The following THADA variants were observed in gnomAD, a reference collection of about 807,000 sequenced individuals.
The protein encoded by THADA is THADA armadillo repeat containing.
In THADA, 213 loss-of-function variants were observed where a neutral mutation model predicts 219.8. The observed-to-expected ratio is 0.97, with a 90% confidence interval of 0.87 to 1.09. THADA has a LOEUF of 1.09. Ranked by LOEUF, THADA falls within the 50% of genes least tolerant of loss-of-function variation. THADA has a pLI of 0.00. For synonymous variants in THADA, 1,018 were observed against 828.9 expected, an observed-to-expected ratio of 1.23 and a Z score of -3.92; for missense variants, 2,956 against 2,311.3, an observed-to-expected ratio of 1.28 and a Z score of -5.72.
chr2:43,243,591 C>CCCTA (rs1185345757), intron 36 of THADA, among the ~76,000 whole-genome samples: 2 of 152,096 alleles, frequency 1.3e-5, no homozygotes, highest in Non-Finnish European at 2.9e-5. Flanking sequence ...GAAAGGCATC[C>CCCTA]CCTAGTTCAC....
intron 7 of THADA, 118 bp from the exon 8 acceptor site, chr2:43,582,046 T>C (rs1384878572): frequency 1.4e-6 from 1 of 721,416 alleles, no homozygotes; most frequent in Non-Finnish European, 2.1e-6. Context: ...TAAATTATGA[T>C]AATTTATTCC....
At chr2:43,507,982 G>GC (rs1689909101) in intron 23 of THADA, among the ~76,000 whole-genome samples, 1 of 152,106 alleles carries the variant, frequency 6.6e-6, no homozygotes, top group African/African-American at 2.4e-5. Context: ...AAACGGACTC[G>GC]CACACACATA....
intron 26 of THADA, among the ~76,000 whole-genome samples, chr2:43,468,313 A>G (rs1029451388): frequency 4.6e-5 from 7 of 152,372 alleles, no homozygotes; most frequent in African/African-American, 1.4e-4. Context: ...GGTATTAACC[A>G]TAGGTTTTTG....
At chr2:43,347,090 G>A (rs1281087827) in intron 29 of THADA, among the ~76,000 whole-genome samples, 1 of 152,136 alleles carries the variant, frequency 6.6e-6, no homozygotes, top group Non-Finnish European at 1.5e-5. Context: ...TGATGGTGGA[G>A]GCAGGAAGGC....
At chr2:43,486,110 A>C (rs975902185) in intron 25 of THADA, among the ~76,000 whole-genome samples, 2 of 152,154 alleles carry the variant, frequency 1.3e-5, no homozygotes, top group Admixed American at 1.3e-4. Context: ...AAATCCAAAA[A>C]TCCTAACTTC....
intron 26 of THADA, among the ~76,000 whole-genome samples, chr2:43,478,022 C>T (rs573839260): frequency 6.6e-6 from 1 of 152,082 alleles, no homozygotes; most frequent in Non-Finnish European, 1.5e-5. Context: ...GACCTCTTAT[C>T]CCCTGACAGT....
Position 43,586,686 on chromosome 2 carries a change from A to T in THADA, c.484+16T>A. 2 of 1,603,360 alleles carry T rather than the reference A, an allele frequency of 1.2e-6. No individual in the cohort carries two copies. The highest frequency in any genetic ancestry group is 2.7e-5 in the African/African-American group (2 of 74,378). On this transcript the variant is annotated intron_variant, in intron 6 of 37. Transcript: ENST00000405975. ...AGCCATCAACTCATGGAACAAAATA[A>T]AATAATAGGACTTACCATTTTTAAG...
chr2:43,501,717 G>A (rs1173066411), intron 24 of THADA, among the ~76,000 whole-genome samples: 4 of 152,236 alleles, frequency 2.6e-5, no homozygotes, highest in African/African-American at 7.2e-5. Flanking sequence ...GCCTTAGCGG[G>A]CAGATCACTT....
intron 19 of THADA, among the ~76,000 whole-genome samples, 191 bp from the exon 20 acceptor site, chr2:43,549,559 T>C (rs953204957): frequency 6.6e-6 from 1 of 152,188 alleles, no homozygotes; most frequent in Non-Finnish European, 1.5e-5. Context: ...ATTTTTAAAA[T>C]ATGGCAATTT....
chr2:43,274,398 T>C (rs759017059), intron 36 of THADA, among the ~76,000 whole-genome samples: 3 of 152,214 alleles, frequency 2.0e-5, no homozygotes, highest in Non-Finnish European at 2.9e-5. Flanking sequence ...TACTCTCATG[T>C]TTCTTTTGCC....
intron 24 of THADA, among the ~76,000 whole-genome samples, chr2:43,503,403 AT>A (rs1217244684): frequency 3.5e-4 from 53 of 152,336 alleles, no homozygotes; most frequent in African/African-American, 1.2e-3. Context: ...TAATCTTAAA[AT>A]ATAATGTTGA....
chr2:43,506,267 G>T (rs1689653732), intron 23 of THADA, among the ~76,000 whole-genome samples: 1 of 152,114 alleles, frequency 6.6e-6, no homozygotes, highest in South Asian at 2.1e-4. Flanking sequence ...GGAACAAAAA[G>T]AAATACTGCA....
Position 43,574,838 on chromosome 2 carries a change from G to T in THADA, c.1227C>A (p.His409Gln), listed in dbSNP as rs1343991670. Reference protein sequence around the residue: ...HWEHPLDALRHQTKIMFKNLL... With the variant: ...HWEHPLDALRQQTKIMFKNLL... Reference sequence around the variant, plus strand: ...GGTTTTTGAACATGATTTTGGTTTGGTGTCTCAGAGCATCCAATGGATGTT... The same window carrying T: ...GGTTTTTGAACATGATTTTGGTTTGTTGTCTCAGAGCATCCAATGGATGTT... Residue 409 changes from histidine (H) to glutamine (Q), a missense_variant, in exon 11 of 38, where the codon CAC becomes CAA. Transcript: ENST00000405975. 30 of 1,613,958 alleles carry T rather than the reference G, an allele frequency of 1.9e-5. No homozygotes were observed. Among genetic ancestry groups the T allele is most frequent in the Middle Eastern group, 1.6e-4 (1 of 6,062 alleles).
At chr2:43,367,638 A>G (rs1321886198) in intron 29 of THADA, among the ~76,000 whole-genome samples, 1 of 152,226 alleles carries the variant, frequency 6.6e-6, no homozygotes, top group Non-Finnish European at 1.5e-5. Context: ...GTCTGTCATT[A>G]GAGGCAAGGT....
chr2:43,485,360 T>TA (rs768908642), intron 25 of THADA, 35 bp from the exon 26 acceptor site: 1 of 1,493,858 alleles, frequency 6.7e-7, no homozygotes, highest in South Asian at 1.1e-5. Flanking sequence ...AAGGCTTAAA[T>TA]ATTCTTGGCA....
intron 35 of THADA, among the ~76,000 whole-genome samples, chr2:43,281,945 T>G (rs1673412671): frequency 6.6e-6 from 1 of 152,140 alleles, no homozygotes; most frequent in African/African-American, 2.4e-5. Flanking sequence ...AATTTTTTTA[T>G]TATTTGTAGA....
In THADA at chr2:43,577,184, C is replaced by A; in HGVS notation, c.875G>T (p.Ser292Ile). Reference sequence around the variant, plus strand: ...ACCACAACAGAGGCTCCTGCAGCTGCTCATAAACCACTCGGGGACACTGGT... The same window carrying A: ...ACCACAACAGAGGCTCCTGCAGCTGATCATAAACCACTCGGGGACACTGGT... ...DCTSVPEWFM[S>I]SCRSLCCGDI... Residue 292 changes from serine to isoleucine, a missense_variant, in exon 10 of 38, where the codon AGC becomes ATC. Physicochemically the swap from Ser to Ile is moderately radical, Grantham distance 142. Transcript: ENST00000405975. 1.2e-6 allele frequency: 2 copies of A among 1,607,088 alleles called. No individual in the cohort carries two copies. Among genetic ancestry groups the A allele is most frequent in the Non-Finnish European group, 1.7e-6 (2 of 1,176,898 alleles).
chr2:43,475,564 T>C (rs1685435003), intron 26 of THADA, among the ~76,000 whole-genome samples: 2 of 152,170 alleles, frequency 1.3e-5, no homozygotes, highest in Admixed American at 6.5e-5. Flanking sequence ...AATGTTAACA[T>C]TCTGTTAGCT....
Position 43,540,994 on chromosome 2 carries a change from T to A in THADA, c.3264+165A>T, listed in dbSNP as rs887246689. ...AAAATGCCACAGTTTTGAAATGTAT[T>A]ATAAAGTCTAACATTCTAAATTACC... On this transcript the variant is annotated intron_variant, in intron 21 of 37. Transcript: ENST00000405975. Among the ~76,000 whole-genome samples, 36 of 152,240 alleles carry A rather than the reference T, an allele frequency of 2.4e-4. 1 individual carries two copies. Among genetic ancestry groups the A allele is most frequent in the Non-Finnish European group, 1.3e-4 (9 of 68,044 alleles).
Sources: allele counts gnomAD v4.1 joint callset (sites outside exome capture counted in the v4.1 genomes callset), GRCh38; gene constraint gnomAD v4.1.1; transcripts MANE v1.5; gene names NCBI Gene and HGNC (gene_info 2026-07-23, HGNC 2026-07-21).